The following CTNNA3 variants were observed in gnomAD, a reference collection of about 807,000 sequenced individuals.
The protein encoded by CTNNA3 is catenin alpha 3.
A neutral mutation model predicts 95.7 loss-of-function variants in CTNNA3; 76 were observed. The ratio of observed to expected loss-of-function variants is 0.79; its 90% CI spans 0.66 to 0.96. The LOEUF (loss-of-function observed/expected upper bound fraction) is 0.96, where lower values mean the gene tolerates loss of function less well. CTNNA3 is among the 40% of genes least tolerant of loss of function. The pLI is 0.00. For synonymous variants in CTNNA3, 431 were observed against 374.4 expected (o/e 1.15, Z -1.74); for missense variants, 1,191 against 1,089.8 (o/e 1.09, Z -1.31).
At chr10:66,904,384 T>C (rs1226046156) in intron 7 of CTNNA3, among the ~76,000 whole-genome samples, 3 of 152,172 alleles carry the variant, frequency 2.0e-5, no homozygotes, top group Non-Finnish European at 4.4e-5. Flanking sequence ...GATTAAAGAC[T>C]TAAATGTAAG....
intron 3 of CTNNA3, among the ~76,000 whole-genome samples, chr10:67,602,248 T>C (rs1175881182): frequency 2.0e-5 from 3 of 151,934 alleles, no homozygotes; most frequent in South Asian, 2.1e-4. Context: ...AAGTATTTTG[T>C]AGAGTTTATT....
chr10:66,949,503 A>G (rs1037299111), intron 7 of CTNNA3, among the ~76,000 whole-genome samples: 2 of 152,026 alleles, frequency 1.3e-5, no homozygotes, highest in Non-Finnish European at 2.9e-5. Context: ...GGTTGCAGTG[A>G]GCCAAGATCG....
At chr10:67,374,206 C>G (rs532111636) in intron 5 of CTNNA3, among the ~76,000 whole-genome samples, 1 of 152,154 alleles carries the variant, frequency 6.6e-6, no homozygotes, top group Non-Finnish European at 1.5e-5. Flanking sequence ...TTACTCAACT[C>G]TGCTTTTATG....
At chr10:66,408,470 C>G (rs893078465) in intron 11 of CTNNA3, among the ~76,000 whole-genome samples, 10 of 152,092 alleles carry the variant, frequency 6.6e-5, no homozygotes, top group Admixed American at 3.9e-4. Context: ...CACACAAGGT[C>G]TTGTTAAAAT....
At chr10:66,477,520 C>T (rs950131593) in intron 11 of CTNNA3, among the ~76,000 whole-genome samples, 6 of 151,952 alleles carry the variant, frequency 3.9e-5, no homozygotes, top group South Asian at 2.1e-4. Context: ...AATATTTCTA[C>T]GACCCACTCT....
intron 9 of CTNNA3, among the ~76,000 whole-genome samples, chr10:66,633,149 A>G (rs916388042): frequency 6.6e-6 from 1 of 152,196 alleles, no homozygotes; most frequent in Non-Finnish European, 1.5e-5. Flanking sequence ...AACTGTAGCA[A>G]TTCAATTTAA....
chr10:67,539,280 A>G (rs1464202606), intron 4 of CTNNA3, among the ~76,000 whole-genome samples: 1 of 152,164 alleles, frequency 6.6e-6, no homozygotes, highest in Non-Finnish European at 1.5e-5. Flanking sequence ...TTTCCTTATA[A>G]GCAAGCCATC....
At chr10:66,514,360 G>A (rs10430510) in intron 11 of CTNNA3, among the ~76,000 whole-genome samples, 9,403 of 152,104 alleles carry the variant, frequency 0.062, 568 homozygotes, top group East Asian at 0.31. Flanking sequence ...TTGAACTGGC[G>A]TAGTAGCAGT....
intron 5 of CTNNA3, among the ~76,000 whole-genome samples, chr10:67,260,159 G>C (rs1222551377): frequency 6.6e-6 from 1 of 152,168 alleles, no homozygotes; most frequent in African/African-American, 2.4e-5. Flanking sequence ...GCCATCATCT[G>C]GAGGGAGTGG....
intron 4 of CTNNA3, among the ~76,000 whole-genome samples, chr10:67,534,830 A>C (rs1280946987): frequency 6.6e-6 from 1 of 152,170 alleles, no homozygotes. Context: ...GCTCCCAAGG[A>C]ATTTGCAGAA....
intron 5 of CTNNA3, among the ~76,000 whole-genome samples, chr10:67,454,542 T>C (rs895030762): frequency 6.6e-6 from 1 of 152,074 alleles, no homozygotes; most frequent in African/African-American, 2.4e-5. Context: ...AAATGAAGCA[T>C]TGTTGTATAG....
chr10:66,460,148 C>T (rs1371095326), intron 11 of CTNNA3, among the ~76,000 whole-genome samples: 2 of 152,102 alleles, frequency 1.3e-5, no homozygotes, highest in African/African-American at 2.4e-5. Context: ...ATTTTTGTGT[C>T]AGTACTATAC....
intron 12 of CTNNA3, among the ~76,000 whole-genome samples, chr10:66,286,484 C>T (rs570161864): frequency 1.8e-5 from 2 of 113,898 alleles, no homozygotes; most frequent in East Asian, 5.0e-4. Flanking sequence ...TCACTTTCTA[C>T]CATTCAGAAA....
At chr10:67,700,656 T>G (rs1379363246), upstream of CTNNA3, among the ~76,000 whole-genome samples, 1 of 151,804 alleles carries the variant, frequency 6.6e-6, no homozygotes. Flanking sequence ...CAAAAGTAGA[T>G]AAAACCACAA....
intron 10 of CTNNA3, among the ~76,000 whole-genome samples, chr10:66,570,478 G>T (rs948441319): frequency 6.6e-6 from 1 of 151,722 alleles, no homozygotes; most frequent in South Asian, 2.1e-4. Context: ...TAGTAGAGTC[G>T]GGGTTTCATC....
intron 10 of CTNNA3, among the ~76,000 whole-genome samples, chr10:66,611,090 CTG>C (rs1844313763): frequency 6.6e-6 from 1 of 151,962 alleles, no homozygotes; most frequent in African/African-American, 2.4e-5. Flanking sequence ...TTCACTAAAA[CTG>C]TGGATCTCAT....
intron 2 of CTNNA3, among the ~76,000 whole-genome samples, chr10:67,622,835 T>C (rs1843889861): frequency 6.6e-6 from 1 of 152,222 alleles, no homozygotes. Flanking sequence ...CTGAATCATC[T>C]TAAACTTTAA....
At chr10:67,498,463 C>T (rs1040222555) in intron 5 of CTNNA3, among the ~76,000 whole-genome samples, 9 of 149,922 alleles carry the variant, frequency 6.0e-5, no homozygotes, top group Non-Finnish European at 1.2e-4. Context: ...TTTTCTAATT[C>T]TGTGAGGAAA....
chr10:66,285,812 T>C (rs998887052), intron 12 of CTNNA3, among the ~76,000 whole-genome samples: 1 of 151,930 alleles, frequency 6.6e-6, no homozygotes, highest in Non-Finnish European at 1.5e-5. Flanking sequence ...TAGTAGAAAG[T>C]GGCATTAAGC....
Sources: allele counts gnomAD v4.1 joint callset (sites outside exome capture counted in the v4.1 genomes callset), GRCh38; gene constraint gnomAD v4.1.1; transcripts MANE v1.5; gene names NCBI Gene and HGNC (gene_info 2026-07-23, HGNC 2026-07-21).